Variants in STX11 observed in about 807,000 individuals in gnomAD.
STX11 encodes syntaxin 11, also known as syntaxin-11.
Under a neutral mutation model 19.9 loss-of-function variants are expected in STX11, and 21 were observed. The ratio of observed to expected loss-of-function variants is 1.06; its 90% CI spans 0.75 to 1.52. The LOEUF (loss-of-function observed/expected upper bound fraction) is 1.52, where lower values mean the gene tolerates loss of function less well. Among genes scored for constraint, STX11 ranks in the 40% most tolerant of loss-of-function variants. The pLI is 0.00. For missense variants in STX11, 438 were observed against 405.9 expected (o/e 1.08, Z -0.68); for synonymous variants, 193 against 174.4 (o/e 1.11, Z -0.84).
chr6:144,187,592 C>T lies in STX11; in HGVS notation c.*101C>T. ...CTGCCCTGCAGGGAGTTGCCCCAAC[C>T]CTTTCCGGAACTCAGTCTTTAGAAA... On this transcript the variant is annotated 3_prime_UTR_variant, in exon 2 of 2. Transcript: ENST00000367568. This position sits in a 1 kb window ranked among gnomAD's most constrained non-coding sequence, Gnocchi z 5.6. The T allele has an allele frequency of 2.0e-6, 3 of 1,503,048 alleles. No individual in the cohort carries two copies. In the South Asian group the frequency reaches 3.5e-5, roughly 18 times the overall value. 93.1% of individuals were successfully genotyped at this position (1,503,048 alleles called of 1,614,324 possible). A position where few individuals can be genotyped will look rare whatever the true frequency, so the allele number is the denominator to read the frequency against.
intron 1 of STX11, among the ~76,000 whole-genome samples, chr6:144,168,356 C>T (rs1801535323): frequency 2.0e-5 from 3 of 152,210 alleles, no homozygotes; most frequent in Non-Finnish European, 4.4e-5. Context: ...CTTCAATAAG[C>T]TCATCACACA....
Position 144,189,974 on chromosome 6 carries a change from A to T in STX11, c.*2483A>T, listed in dbSNP as rs889622405. On this transcript the variant is annotated 3_prime_UTR_variant, in exon 2 of 2. Transcript: ENST00000367568. ...AAAAAACGAAGAGTTCATAAATTTG[A>T]CATGTTTGAACCCATAAAGCATTTT... Among the ~76,000 whole-genome samples the T allele has an allele frequency of 2.4e-4, 36 of 152,218 alleles. No homozygotes were observed. The highest frequency in any genetic ancestry group is 8.0e-4 in the African/African-American group (33 of 41,468).
upstream of STX11, chr6:144,150,453 G>A (rs1800969690): frequency 2.1e-6 from 2 of 974,116 alleles, no homozygotes; most frequent in African/African-American, 1.8e-5. Flanking sequence ...TGTCATCCCG[G>A]GGCGGGGCCT....
rs1801799485 is a variant in STX11, at chr6:144,177,275, T to G, written c.-5-9348T>G. ...TCATTTTTTAAACATAGATCTTTGC[T>G]GTATTTTCCAGGCAAAGTTTTGCTT... On this transcript the variant is annotated intron_variant, in intron 1 of 1. Coordinates refer to ENST00000367568, the MANE Select transcript of STX11 (RefSeq NM_003764.4). This position sits in a 1 kb window ranked among gnomAD's most constrained non-coding sequence, Gnocchi z 4.4. 6.6e-6 allele frequency among the ~76,000 whole-genome samples: 1 copy of G among 152,254 alleles called. No homozygotes were observed. The highest frequency in any genetic ancestry group is 2.4e-5 in the African/African-American group (1 of 41,472).
the STX11 span, among the ~76,000 whole-genome samples, chr6:144,144,779 G>T: frequency 6.6e-6 from 1 of 152,174 alleles, no homozygotes; most frequent in Non-Finnish European, 1.5e-5. Flanking sequence ...AGCACAAGCT[G>T]CTTCATTTAA....
At position 144,153,455 on chromosome 6, in the gene STX11, G is replaced by A. The variant is rs1157726330; in HGVS notation, c.-6+2752G>A. ...ATAGAGAAGTGAAACAGCACTGGAC[G>A]TTCAGGAAACTCCAGCCTGTTTAGT... On this transcript the variant is annotated intron_variant, in intron 1 of 1. Transcript: ENST00000367568. This position sits in a 1 kb window ranked among gnomAD's most constrained non-coding sequence, Gnocchi z 5.0. Among the ~76,000 whole-genome samples the A allele has an allele frequency of 6.6e-6, 1 of 152,160 alleles. No individual in the cohort carries two copies. Among genetic ancestry groups the A allele is most frequent in the African/African-American group, 2.4e-5 (1 of 41,438 alleles).
chr6:144,148,995 T>C (rs1407472491), upstream of STX11, among the ~76,000 whole-genome samples: 2 of 152,248 alleles, frequency 1.3e-5, no homozygotes, highest in Non-Finnish European at 2.9e-5. Context: ...TTTCTCATTA[T>C]GAGACTGAGG....
Position 144,151,928 on chromosome 6 carries a change from A to G in STX11, c.-6+1225A>G, listed in dbSNP as rs745782959. On this transcript the variant is annotated intron_variant, in intron 1 of 1. Coordinates refer to ENST00000367568, the MANE Select transcript of STX11 (RefSeq NM_003764.4). The surrounding 1 kb of genome is among the most constrained non-coding windows in gnomAD (Gnocchi z 4.6). ...GGAAGGGACTGCACACTATCTCAAC[A>G]CGGTAGAGAAGGGGACACCATCTCT... Among the ~76,000 whole-genome samples the G allele has an allele frequency of 7.9e-5, 12 of 152,206 alleles. No individual in the cohort carries two copies. Among genetic ancestry groups the G allele is most frequent in the Non-Finnish European group, 1.5e-4 (10 of 68,034 alleles).
intron 1 of STX11, among the ~76,000 whole-genome samples, chr6:144,186,061 T>TTA (rs1350072018): frequency 1.3e-5 from 2 of 149,766 alleles, no homozygotes; most frequent in African/African-American, 4.9e-5. Context: ...TTTCTTTTTT[T>TTA]TTTTTTCTGT....
intron 1 of STX11, 35 bp from the exon 2 acceptor site, chr6:144,186,588 A>C: frequency 6.2e-7 from 1 of 1,613,398 alleles, no homozygotes. Flanking sequence ...TTGACTCTCA[A>C]TAGAGAAATT....
upstream of STX11, among the ~76,000 whole-genome samples, chr6:144,148,301 G>A (rs1379436389): frequency 2.0e-5 from 3 of 152,108 alleles, no homozygotes; most frequent in African/African-American, 7.2e-5. Context: ...CTGCCTCGGG[G>A]CCTTTACATC....
chr6:144,140,214 ATATATATATATATATATATATAT>A, the STX11 span, among the ~76,000 whole-genome samples: 3 of 85,130 alleles, frequency 3.5e-5, no homozygotes, highest in African/African-American at 1.0e-4. Context: ...ATTCACATAT[ATATATATATATATATATATATAT>A]ATATATATAT....
intron 1 of STX11, among the ~76,000 whole-genome samples, chr6:144,164,050 C>T (rs529335106): frequency 6.6e-6 from 1 of 152,188 alleles, no homozygotes; most frequent in Non-Finnish European, 1.5e-5. Flanking sequence ...ATGTTTTGCT[C>T]ACCAAGCTGA....
intron 1 of STX11, among the ~76,000 whole-genome samples, chr6:144,181,422 C>T (rs1801908700): frequency 6.6e-6 from 1 of 151,648 alleles, no homozygotes; most frequent in Non-Finnish European, 1.5e-5. Context: ...TGGTGAAACC[C>T]CATCTCTACT....
chr6:144,169,663 C>CCCTCCCTTCCTTCCTT lies in STX11; in HGVS notation c.-5-16957_-5-16956insCCCTTCCTTCCTTCCT, dbSNP rs1554292615. 2.9e-5 allele frequency among the ~76,000 whole-genome samples: 4 copies of CCCTCCCTTCCTTCCTT among 139,664 alleles called. No individual in the cohort carries two copies. The highest frequency in any genetic ancestry group is 6.2e-5 in the Non-Finnish European group (4 of 64,914). The allele number at this position is 139,664 out of a possible 152,430, so 91.6% of individuals were successfully genotyped here. On this transcript the variant is annotated intron_variant, in intron 1 of 1. Transcript: ENST00000367568. This position sits in a 1 kb window ranked among gnomAD's most constrained non-coding sequence, Gnocchi z 5.2. ...CTCCTTTTCTTTTCCCTCCCTCCCTCCCTTCCTTCCTTCCTTCCTTCCTTC... is the reference window on the plus strand; with the variant it reads ...CTCCTTTTCTTTTCCCTCCCTCCCTCCCTCCCTTCCTTCCTTCCTTCCTTCCTTCCTTCCTTCCTTC...
At chr6:144,146,008 T>A (rs908262127), upstream of STX11, among the ~76,000 whole-genome samples, 2 of 152,218 alleles carry the variant, frequency 1.3e-5, no homozygotes, top group Admixed American at 1.3e-4. This position sits in a 1 kb window ranked among gnomAD's most constrained non-coding sequence, Gnocchi z 4.4. Context: ...ACATTCTTTA[T>A]CTGCAAAGAG....
At chr6:144,181,892 T>C (rs1054280698) in intron 1 of STX11, among the ~76,000 whole-genome samples, 3 of 152,208 alleles carry the variant, frequency 2.0e-5, no homozygotes, top group African/African-American at 7.2e-5. Flanking sequence ...GGATCTGGTT[T>C]TCAGTACAGA....
At position 144,177,130 on chromosome 6, in the gene STX11, G is replaced by T. The variant is rs1227886778; in HGVS notation, c.-5-9493G>T. 6.6e-6 allele frequency among the ~76,000 whole-genome samples: 1 copy of T among 152,220 alleles called. No individual in the cohort carries two copies. Among genetic ancestry groups the T allele is most frequent in the Non-Finnish European group, 1.5e-5 (1 of 68,044 alleles). Reference sequence around the variant, plus strand: ...AGTTGGAAAAGAAAAGGTCATTGATGATTCTGGAAACTCCATGGATTTCTC... The same window carrying T: ...AGTTGGAAAAGAAAAGGTCATTGATTATTCTGGAAACTCCATGGATTTCTC... On this transcript the variant is annotated intron_variant, in intron 1 of 1. Coordinates refer to ENST00000367568, the MANE Select transcript of STX11 (RefSeq NM_003764.4). This position sits in a 1 kb window ranked among gnomAD's most constrained non-coding sequence, Gnocchi z 4.4.
rs1399825979 is a variant in STX11, at chr6:144,176,507, C to T, written c.-5-10116C>T. Among the ~76,000 whole-genome samples the T allele has an allele frequency of 2.0e-5, 3 of 152,132 alleles. No individual in the cohort carries two copies. The highest frequency in any genetic ancestry group is 2.4e-5 in the African/African-American group (1 of 41,422). ...GATTCGTTTTTCCTTCCTTGCTTTACGGAGTGGGCTTGATTCTAGAGGGCT... is the reference window on the plus strand; with the variant it reads ...GATTCGTTTTTCCTTCCTTGCTTTATGGAGTGGGCTTGATTCTAGAGGGCT... On this transcript the variant is annotated intron_variant, in intron 1 of 1. Transcript: ENST00000367568. This position sits in a 1 kb window ranked among gnomAD's most constrained non-coding sequence, Gnocchi z 4.1.
Sources: gnomAD v4.1 joint callset for allele counts (sites outside exome capture counted in the v4.1 genomes callset) on GRCh38, gnomAD v4.1.1 for gene constraint, Gnocchi (gnomAD v3.1) non-coding constraint, MANE v1.5 for transcripts, NCBI Gene and HGNC (gene_info 2026-07-23, HGNC 2026-07-21) for gene names.